Variants in CD96 observed in about 807,000 individuals in gnomAD.
The protein encoded by CD96 is T-cell surface protein tactile.
CD96 carries 70 observed loss-of-function variants against 71.3 expected under a neutral mutation model. The ratio of observed to expected loss-of-function variants is 0.98; its 90% confidence interval spans 0.81 to 1.20. The LOEUF (loss-of-function observed/expected upper bound fraction) is 1.20, where lower values mean the gene tolerates loss of function less well. CD96 is among the 50% of genes most tolerant of loss of function. The pLI is 0.00. For missense variants in CD96, 742 were observed against 677.5 expected, an observed-to-expected ratio of 1.10 and a Z score of -1.06; for synonymous variants, 248 against 233.0, an observed-to-expected ratio of 1.06 and a Z score of -0.59.
In CD96 at chr3:111,650,469, C is replaced by G. The variant is rs932671411; in HGVS notation, c.*663C>G. The G allele has an allele frequency of 6.5e-6, 1 of 154,190 alleles. No homozygotes were observed. The highest frequency in any genetic ancestry group is 1.4e-5 in the Non-Finnish European group (1 of 69,332). 9.6% of individuals were successfully genotyped at this position (154,190 alleles called of 1,614,324 possible). On this transcript the variant is annotated 3_prime_UTR_variant, in exon 14 of 14. Coordinates refer to ENST00000352690, the MANE Select transcript of CD96 (RefSeq NM_005816.5). ...TCAAAGAGATAATTAGCCAAAAACC[C>G]AGTAGCCTAGAAGATACAAAACTCC...
intron 8 of CD96, among the ~76,000 whole-genome samples, chr3:111,614,992 G>A (rs1455424048): frequency 1.3e-5 from 2 of 152,200 alleles, no homozygotes; most frequent in Admixed American, 1.3e-4. Context: ...TGAGGTTGAT[G>A]ATGGACCACC....
rs1182385136 is a variant in CD96 at position 111,570,597 on chromosome 3, T to G, written c.543+2950T>G. On this transcript the variant is annotated intron_variant, in intron 3 of 13. Coordinates refer to ENST00000352690, the MANE Select transcript of CD96 (RefSeq NM_005816.5). ...GATCCTTGGCAAGAAAGCTAAGGGATCAACAGGTGAGATGTGAGACACCAG... is the reference window on the plus strand; with the variant it reads ...GATCCTTGGCAAGAAAGCTAAGGGAGCAACAGGTGAGATGTGAGACACCAG... 3 of 1,536,828 alleles carry G rather than the reference T, an allele frequency of 2.0e-6. No homozygotes were observed. In the Admixed American group the frequency reaches 5.2e-5, roughly 27 times the overall value.
chr3:111,603,338 G>T (rs117045427), intron 7 of CD96, among the ~76,000 whole-genome samples: 2 of 151,982 alleles, frequency 1.3e-5, no homozygotes, highest in African/African-American at 2.4e-5. Flanking sequence ...CTGTTACCTC[G>T]GGAGGCTGAG....
chr3:111,628,209 T>TATGGATAAAAATGAAGTTCACTGAGCTA, intron 10 of CD96, among the ~76,000 whole-genome samples: 1 of 152,264 alleles, frequency 6.6e-6, no homozygotes, highest in Non-Finnish European at 1.5e-5. Flanking sequence ...GCCTTCAGAA[T>TATGGATAAAAATGAAGTTCACTGAGCTA]ATGGATAAAA....
chr3:111,562,067 T>C (rs1169009715), intron 2 of CD96, among the ~76,000 whole-genome samples: 2 of 152,206 alleles, frequency 1.3e-5, no homozygotes, highest in Admixed American at 6.5e-5. Context: ...CTGCTTCGGC[T>C]CCCGCACGGT....
At chr3:111,546,919 T>TACACACACACACACACACAC (rs60838213) in intron 2 of CD96, among the ~76,000 whole-genome samples, 13,511 of 137,858 alleles carry the variant, frequency 0.098, 1,106 homozygotes, top group Non-Finnish European at 0.14. Flanking sequence ...CACAGACACA[T>TACACACACACACACACACAC]ACACACACAC....
At chr3:111,638,194 G>A in intron 12 of CD96, 26 bp downstream of exon 12, 2 of 1,328,300 alleles carry the variant, frequency 1.5e-6, no homozygotes, top group South Asian at 2.3e-5. Context: ...TATTTTGGGG[G>A]ATTTTATGCT....
downstream of CD96, among the ~76,000 whole-genome samples, chr3:111,653,712 G>C (rs1158510005): frequency 6.6e-6 from 1 of 151,988 alleles, no homozygotes; most frequent in Non-Finnish European, 1.5e-5. Flanking sequence ...AATTGCTTTG[G>C]TATCTCCTTT....
chr3:111,627,512 T>G (rs1938832363), intron 10 of CD96, among the ~76,000 whole-genome samples: 1 of 152,246 alleles, frequency 6.6e-6, no homozygotes, highest in East Asian at 1.9e-4. Context: ...AATTTCTTCC[T>G]GGGACAGAGT....
chr3:111,609,459 AT>A (rs1305121934), intron 8 of CD96, among the ~76,000 whole-genome samples: 1 of 152,150 alleles, frequency 6.6e-6, no homozygotes, highest in Admixed American at 6.5e-5. Flanking sequence ...GAAAAAAAAA[AT>A]GTCCTCATGG....
chr3:111,552,669 C>A (rs1206786600), intron 2 of CD96, among the ~76,000 whole-genome samples: 1 of 150,112 alleles, frequency 6.7e-6, no homozygotes, highest in East Asian at 1.9e-4. Context: ...ACTTTATTTA[C>A]AAAAATAGGC....
intron 14 of CD96, among the ~76,000 whole-genome samples, chr3:111,663,444 A>C (rs986945318): frequency 6.6e-6 from 1 of 152,212 alleles, no homozygotes; most frequent in African/African-American, 2.4e-5. Context: ...TTAAACTAAA[A>C]AGTTTCTGCA....
rs1940033362 is a variant in CD96, at chr3:111,650,610, C to G, written c.*804C>G. On this transcript the variant is annotated 3_prime_UTR_variant, in exon 14 of 14. Transcript: ENST00000352690. ...AGTAAACAGGCAGCCTAAGCCCAAC[C>G]CTACTTTCTAATTCCAGTTATTCTC... 6.6e-6 allele frequency: 1 copy of G among 152,282 alleles called. No homozygotes were observed. Among genetic ancestry groups the G allele is most frequent in the African/African-American group, 2.4e-5 (1 of 41,456 alleles). The allele number at this position is 152,282 out of a possible 1,614,324, so 9.4% of individuals were successfully genotyped here. A position where few individuals can be genotyped will look rare whatever the true frequency, so the allele number is the denominator to read the frequency against.
chr3:111,578,890 C>G (rs1238818928), intron 3 of CD96, 137 bp from the exon 4 acceptor site: 27 of 698,744 alleles, frequency 3.9e-5, no homozygotes, highest in Non-Finnish European at 6.7e-5. Flanking sequence ...TAGTAATATA[C>G]TAAATGTCTT....
intron 10 of CD96, among the ~76,000 whole-genome samples, chr3:111,628,619 A>T (rs1252575817): frequency 6.6e-6 from 1 of 152,208 alleles, no homozygotes; most frequent in African/African-American, 2.4e-5. Context: ...AACTTCACCA[A>T]CCTAGCAATA....
At chr3:111,619,051 C>T (rs1162834767) in intron 8 of CD96, among the ~76,000 whole-genome samples, 6 of 152,166 alleles carry the variant, frequency 3.9e-5, no homozygotes, top group Admixed American at 3.3e-4. Flanking sequence ...GTCTTCTAGC[C>T]TTCCTCTACC....
intron 5 of CD96, among the ~76,000 whole-genome samples, chr3:111,591,437 G>A (rs1438044198): frequency 6.6e-6 from 1 of 150,508 alleles, no homozygotes; most frequent in Non-Finnish European, 1.5e-5. Flanking sequence ...CATCAGCAGA[G>A]CTCCAGCATC....
At chr3:111,634,488 GTGTT>G (rs1442158145) in intron 10 of CD96, 14 of 152,616 alleles carry the variant, frequency 9.2e-5, no homozygotes, top group Admixed American at 2.0e-4. Flanking sequence ...TGTCAAAGTA[GTGTT>G]TGTTTGTAGA....
intron 14 of CD96, among the ~76,000 whole-genome samples, chr3:111,659,578 A>AT (rs997812032): frequency 3.9e-5 from 6 of 152,156 alleles, no homozygotes; most frequent in Admixed American, 6.6e-5. Context: ...GTTGCAAGGA[A>AT]TTTTTTTATT....
Sources: gnomAD v4.1 joint callset for allele counts (sites outside exome capture counted in the v4.1 genomes callset) on GRCh38, gnomAD v4.1.1 for gene constraint, MANE v1.5 for transcripts, NCBI Gene and HGNC (gene_info 2026-07-23, HGNC 2026-07-21) for gene names.